Variants in NRXN3 observed in about 807,000 individuals in gnomAD.
The protein encoded by NRXN3 is neurexin III.
In NRXN3, 32 loss-of-function variants were observed where a neutral mutation model predicts 137.6. That is an observed-to-expected ratio of 0.23 (90% CI 0.18 to 0.31). The LOEUF (loss-of-function observed/expected upper bound fraction) is 0.31. NRXN3 is among the 10% of genes least tolerant of loss of function. The probability of loss-of-function intolerance (pLI) is 1.00; values close to 1 mark genes in which losing one functional copy is unlikely to be tolerated. For synonymous variants in NRXN3, 798 were observed against 784.5 expected, an observed-to-expected ratio of 1.02 and a Z score of -0.29; for missense variants, 1,574 against 2,062.5, an observed-to-expected ratio of 0.76 and a Z score of 4.59.
chr14:78,502,385 T>A lies in NRXN3; in HGVS notation c.758-142735T>A, dbSNP rs2095895442. Among the ~76,000 whole-genome samples, 3 of 152,336 alleles carry A rather than the reference T, an allele frequency of 2.0e-5. No individual in the cohort carries two copies. In the East Asian group the frequency reaches 5.8e-4, roughly 29 times the overall value. ...AATAATAGTTTATATAATTAATATA[T>A]GTGCCATGCTTGAGCCAACACATTC... On this transcript the variant is annotated intron_variant, in intron 4 of 20. Transcript: ENST00000335750.
chr14:79,087,443 C>G (rs914008782), intron 15 of NRXN3, among the ~76,000 whole-genome samples: 2 of 152,102 alleles, frequency 1.3e-5, no homozygotes, highest in Non-Finnish European at 2.9e-5. Flanking sequence ...AAATAATATT[C>G]TAAAGGGGAA....
chr14:78,912,605 A>G (rs752947740), intron 10 of NRXN3, among the ~76,000 whole-genome samples: 14 of 152,104 alleles, frequency 9.2e-5, no homozygotes, highest in Non-Finnish European at 1.9e-4. Context: ...AGGATGGAAA[A>G]CGCAGATAGT....
At chr14:79,778,347 C>T (rs1025931274) in intron 19 of NRXN3, among the ~76,000 whole-genome samples, 7 of 152,026 alleles carry the variant, frequency 4.6e-5, no homozygotes, top group African/African-American at 9.7e-5. Context: ...ACCCAGGAGG[C>T]GGAGGTTGCA....
intron 19 of NRXN3, among the ~76,000 whole-genome samples, chr14:79,768,702 T>G (rs918861289): frequency 2.0e-5 from 3 of 152,096 alleles, no homozygotes; most frequent in Non-Finnish European, 4.4e-5. Context: ...TGGAAACTCT[T>G]AAAAGCAGAG....
intron 15 of NRXN3, among the ~76,000 whole-genome samples, chr14:79,190,508 G>A (rs1358418418): frequency 2.0e-5 from 3 of 152,136 alleles, no homozygotes; most frequent in African/African-American, 7.2e-5. Flanking sequence ...ATTTTCTGGA[G>A]TGCAGGATTC....
chr14:79,819,395 C>T (rs1373355394), intron 20 of NRXN3, among the ~76,000 whole-genome samples: 1 of 148,010 alleles, frequency 6.8e-6, no homozygotes, highest in Admixed American at 6.8e-5. Context: ...ATAAGACCTT[C>T]TTGCCCATTT....
chr14:78,547,390 G>A (rs1370251838), intron 4 of NRXN3, among the ~76,000 whole-genome samples: 2 of 151,824 alleles, frequency 1.3e-5, no homozygotes, highest in African/African-American at 4.8e-5. Context: ...AGTAGAGATG[G>A]GTTTTTACCA....
chr14:78,441,668 T>C (rs867505284), intron 4 of NRXN3, among the ~76,000 whole-genome samples: 8 of 152,176 alleles, frequency 5.3e-5, no homozygotes, highest in South Asian at 2.1e-4. Flanking sequence ...TACATCTTAA[T>C]TGCTGGAACT....
intron 17 of NRXN3, among the ~76,000 whole-genome samples, chr14:79,688,335 G>A (rs893630211): frequency 6.6e-6 from 1 of 152,112 alleles, no homozygotes; most frequent in Non-Finnish European, 1.5e-5. Context: ...GACCAGATTT[G>A]TCTCCAGAGC....
chr14:79,049,001 C>T (rs1345529538), intron 15 of NRXN3, among the ~76,000 whole-genome samples: 4 of 116,148 alleles, frequency 3.4e-5, no homozygotes, highest in African/African-American at 1.4e-4. Context: ...CCAGCCTGGG[C>T]GACAGAGCGA....
intron 4 of NRXN3, among the ~76,000 whole-genome samples, chr14:78,573,906 C>T (rs2096912268): frequency 1.3e-5 from 2 of 152,170 alleles, no homozygotes; most frequent in African/African-American, 4.8e-5. Flanking sequence ...TCATGGCAGT[C>T]CCTCCCATTA....
intron 20 of NRXN3, among the ~76,000 whole-genome samples, chr14:79,845,671 G>GGAGACGGGGAGAGAGACA (rs2099366168): frequency 8.7e-6 from 1 of 114,454 alleles, no homozygotes; most frequent in East Asian, 2.7e-4. Context: ...GGAGAGAGAC[G>GGAGACGGGGAGAGAGACA]GAGACGGGGA....
At chr14:79,575,012 T>C (rs2097651187) in intron 16 of NRXN3, among the ~76,000 whole-genome samples, 1 of 152,176 alleles carries the variant, frequency 6.6e-6, no homozygotes, top group African/African-American at 2.4e-5. Context: ...ATGTTGTTCA[T>C]GTGTGTCTGT....
At chr14:79,064,691 TATAATTACCCATATATATTTTTC>T (rs371842869) in intron 15 of NRXN3, among the ~76,000 whole-genome samples, 4 of 146,968 alleles carry the variant, frequency 2.7e-5, no homozygotes, top group East Asian at 2.0e-4. Context: ...TTTATACATA[TATAATTACCCATATATATTTTTC>T]ATAATTACCC....
At chr14:78,810,397 G>A in intron 10 of NRXN3, 53 bp downstream of exon 10, 15 of 781,504 alleles carry the variant, frequency 1.9e-5, no homozygotes, top group Non-Finnish European at 2.4e-5. Context: ...AAACAAAACT[G>A]ACTTTATTTT....
chr14:78,538,362 T>C (rs1407384215), intron 4 of NRXN3, among the ~76,000 whole-genome samples: 1 of 152,212 alleles, frequency 6.6e-6, no homozygotes, highest in African/African-American at 2.4e-5. Context: ...GGTACTTTAT[T>C]CTCTTTGTAG....
At chr14:79,768,210 T>C (rs770355066) in intron 19 of NRXN3, among the ~76,000 whole-genome samples, 6 of 152,190 alleles carry the variant, frequency 3.9e-5, no homozygotes, top group Non-Finnish European at 8.8e-5. Flanking sequence ...GCGCCTGCCA[T>C]TGCCCAGGCT....
At chr14:78,577,053 C>A (rs943920174) in intron 4 of NRXN3, among the ~76,000 whole-genome samples, 2 of 152,152 alleles carry the variant, frequency 1.3e-5, no homozygotes, top group African/African-American at 4.8e-5. Context: ...TTGCAGAATA[C>A]CCCCAAAGCT....
At chr14:79,598,496 T>TA (rs1164086017) in intron 16 of NRXN3, among the ~76,000 whole-genome samples, 1 of 152,188 alleles carries the variant, frequency 6.6e-6, no homozygotes, top group Non-Finnish European at 1.5e-5. Context: ...TCCAGCATCT[T>TA]ACTCTGCTCA....
Sources: allele counts gnomAD v4.1 joint callset (sites outside exome capture counted in the v4.1 genomes callset), GRCh38; gene constraint gnomAD v4.1.1; transcripts MANE v1.5; gene names NCBI Gene and HGNC (gene_info 2026-07-23, HGNC 2026-07-21).